Variants in PHF11 observed in about 807,000 individuals in gnomAD.
PHF11 encodes BRCA1 C-terminus-associated protein.
Under a neutral mutation model 40.5 loss-of-function variants are expected in PHF11, and 38 were observed. The observed-to-expected ratio is 0.94, with a 90% CI of 0.72 to 1.23. The LOEUF is 1.23. Among genes scored for constraint, PHF11 ranks in the 50% most tolerant of loss-of-function variants. PHF11 has a pLI of 0.00. For missense variants in PHF11, 369 were observed against 392.4 expected (o/e 0.94, Z 0.50); for synonymous variants, 127 against 138.2 (o/e 0.92, Z 0.57).
intron 2 of PHF11, among the ~76,000 whole-genome samples, chr13:49,511,618 G>A (rs569282453): frequency 2.4e-4 from 36 of 152,240 alleles, no homozygotes; most frequent in African/African-American, 7.0e-4. Flanking sequence ...GTGAGCCACC[G>A]CACCCGGCTA....
chr13:49,512,926 C>G, intron 2 of PHF11, 133 bp from the exon 3 acceptor site: 1 of 591,682 alleles, frequency 1.7e-6, no homozygotes, highest in Non-Finnish European at 3.0e-6. Flanking sequence ...CATCCACCCC[C>G]AAAGTTGCCA....
In PHF11 at chr13:49,523,165, T is replaced by C; in HGVS notation, c.571-10T>C. 6.3e-7 allele frequency: 1 copy of C among 1,585,164 alleles called. No individual in the cohort carries two copies. Among genetic ancestry groups the C allele is most frequent in the Non-Finnish European group, 8.7e-7 (1 of 1,153,898 alleles). ...AATCAATGTAATGCAATCTTGATTT[T>C]CTCTCCTAGCCACCCGAAACAATGA... On this transcript the variant is annotated splice_polypyrimidine_tract_variant and intron_variant, in intron 6 of 9. Coordinates refer to ENST00000378319, the MANE Select transcript of PHF11 (RefSeq NM_001040443.3).
chr13:49,513,703 G>A (rs925571784), intron 3 of PHF11, among the ~76,000 whole-genome samples: 1 of 152,210 alleles, frequency 6.6e-6, no homozygotes, highest in Non-Finnish European at 1.5e-5. Flanking sequence ...TGCTTTTGCT[G>A]TAAGTAGAAG....
intron 1 of PHF11, among the ~76,000 whole-genome samples, chr13:49,499,179 T>C (rs1157562821): frequency 6.6e-6 from 1 of 152,274 alleles, no homozygotes; most frequent in East Asian, 1.9e-4. Flanking sequence ...TGGCTGCCCT[T>C]GCAGCCTCTC....
chr13:49,507,797 A>G (rs975071691), intron 2 of PHF11, among the ~76,000 whole-genome samples: 4 of 152,200 alleles, frequency 2.6e-5, no homozygotes, highest in African/African-American at 9.6e-5. Flanking sequence ...GGTACTATAC[A>G]GGAGGATGTG....
Position 49,522,759 on chromosome 13 carries a change from GT to G in PHF11, c.571-409del, listed in dbSNP as rs34691109. The stretch of plus-strand genomic sequence containing the variant: ...GTTTACATCTAAATATGAATATGGG[GT>G]TTTTTTGTTTTTTTTTTTTTTTGAG... On this transcript the variant is annotated intron_variant, in intron 6 of 9. Transcript: ENST00000378319. Among the ~76,000 whole-genome samples the G allele has an allele frequency of 1.0e-3, 33 of 31,804 alleles. No individual in the cohort carries two copies. The South Asian group carries it at 0.024, about 24-fold the overall frequency. 20.9% of individuals were successfully genotyped at this position (31,804 alleles called of 152,430 possible). A position where few individuals can be genotyped will look rare whatever the true frequency, so the allele number is the denominator to read the frequency against.
chr13:49,500,946 A>G (rs1958890779), intron 1 of PHF11, among the ~76,000 whole-genome samples: 1 of 151,206 alleles, frequency 6.6e-6, no homozygotes, highest in Non-Finnish European at 1.5e-5. Flanking sequence ...AACAAGAGGC[A>G]GCTGCATATC....
At chr13:49,514,762 TAAAA>T (rs10715395) in intron 3 of PHF11, among the ~76,000 whole-genome samples, 5 of 143,760 alleles carry the variant, frequency 3.5e-5, no homozygotes, top group African/African-American at 1.0e-4. Flanking sequence ...TGTCTCAAAT[TAAAA>T]AAAAAAAAAA....
At chr13:49,513,579 C>T (rs576237173) in intron 3 of PHF11, among the ~76,000 whole-genome samples, 1 of 152,176 alleles carries the variant, frequency 6.6e-6, no homozygotes, top group South Asian at 2.1e-4. Context: ...GATCTGCCTG[C>T]CTTGGCTTCC....
At chr13:49,520,549 A>T (rs917519659) in intron 4 of PHF11, among the ~76,000 whole-genome samples, 8 of 152,222 alleles carry the variant, frequency 5.3e-5, no homozygotes, top group Admixed American at 1.3e-4. Context: ...AGTCAGATGG[A>T]AATCTGCATG....
intron 1 of PHF11, among the ~76,000 whole-genome samples, chr13:49,497,988 C>T (rs1173904134): frequency 2.0e-5 from 3 of 152,202 alleles, no homozygotes; most frequent in Non-Finnish European, 4.4e-5. Flanking sequence ...CACCCCTTGC[C>T]CCTGCTCCTG....
intron 2 of PHF11, 142 bp downstream of exon 2, chr13:49,506,898 C>CTTT (rs1169962633): frequency 0.019 from 2,731 of 143,442 alleles, 9 homozygotes; most frequent in South Asian, 0.022. Flanking sequence ...GGGAGCATTT[C>CTTT]TTTTTTTTTT....
chr13:49,515,133 A>G (rs890910063), intron 3 of PHF11, among the ~76,000 whole-genome samples: 1 of 152,136 alleles, frequency 6.6e-6, no homozygotes, highest in Non-Finnish European at 1.5e-5. Context: ...AGACTTCCCT[A>G]CTGGGAAGGC....
rs1034709600 is a variant in PHF11, at chr13:49,526,241, C to T, written c.770-146C>T. On this transcript the variant is annotated intron_variant, in intron 8 of 9. Transcript: ENST00000378319. ...CATTTCTGACAGCTTCCCTGTAGTG[C>T]TGCTGCTGCTGTTGCCATCTAACAT... 4.7e-5 allele frequency: 27 copies of T among 575,526 alleles called. 1 individual carries two copies. In the Admixed American group the frequency reaches 7.7e-4, roughly 16 times the overall value. The allele number at this position is 575,526 out of a possible 1,614,324, so 35.7% of individuals were successfully genotyped here.
intron 1 of PHF11, chr13:49,497,112 A>G: frequency 7.8e-7 from 1 of 1,289,136 alleles, no homozygotes; most frequent in Non-Finnish European, 1.0e-6. Context: ...AGAGAGGATG[A>G]CACAAAGGCA....
chr13:49,527,933 TATGTGTGTA>T (rs1424699459), intron 9 of PHF11, among the ~76,000 whole-genome samples: 5 of 115,044 alleles, frequency 4.3e-5, no homozygotes, highest in African/African-American at 1.4e-4. Context: ...AAAGTTTGTA[TATGTGTGTA>T]ACTGTTCGAT....
chr13:49,510,012 C>CGTGT (rs148561369), intron 2 of PHF11, among the ~76,000 whole-genome samples: 174 of 150,394 alleles, frequency 1.2e-3, no homozygotes, highest in African/African-American at 4.0e-3. Context: ...GTACTAATAA[C>CGTGT]GTGTGTGTGT....
chr13:49,528,686 A>C lies in PHF11; in HGVS notation c.*21A>C. On this transcript the variant is annotated 3_prime_UTR_variant, in exon 10 of 10. Coordinates refer to ENST00000378319, the MANE Select transcript of PHF11 (RefSeq NM_001040443.3). ...ATTAGGGATTACCGTTTCCTAAGCCAAGAGTCATGTCAAATTGCAATCAGG... is the reference window on the plus strand; with the variant it reads ...ATTAGGGATTACCGTTTCCTAAGCCCAGAGTCATGTCAAATTGCAATCAGG... The C allele has an allele frequency of 6.4e-7, 1 of 1,555,404 alleles. No homozygotes were observed. Among genetic ancestry groups the C allele is most frequent in the Non-Finnish European group, 8.7e-7 (1 of 1,145,888 alleles).
intron 1 of PHF11, chr13:49,497,319 T>A: frequency 1.6e-6 from 1 of 626,096 alleles, no homozygotes; most frequent in Non-Finnish European, 2.6e-6. Flanking sequence ...ACTGAGTATG[T>A]CCCAAAGAGA....
Sources: gnomAD v4.1 joint callset for allele counts (sites outside exome capture counted in the v4.1 genomes callset) on GRCh38, gnomAD v4.1.1 for gene constraint, MANE v1.5 for transcripts, NCBI Gene and HGNC (gene_info 2026-07-23, HGNC 2026-07-21) for gene names.